The following POLK variants were observed in gnomAD, a reference collection of about 807,000 sequenced individuals.
POLK encodes DNA polymerase kappa.
A neutral mutation model predicts 94.0 loss-of-function variants in POLK; 76 were observed. The ratio of observed to expected loss-of-function variants is 0.81; its 90% CI spans 0.67 to 0.98. The LOEUF is 0.98. Among genes scored for constraint, POLK ranks in the 50% least tolerant of loss-of-function variants. POLK has a pLI of 0.00. For synonymous variants in POLK, 349 were observed against 325.4 expected (o/e 1.07, Z -0.78); for missense variants, 954 against 1,010.1 (o/e 0.94, Z 0.75).
At chr5:75,552,187 C>G (rs1686851452) in intron 2 of POLK, among the ~76,000 whole-genome samples, 1 of 152,160 alleles carries the variant, frequency 6.6e-6, no homozygotes, top group African/African-American at 2.4e-5. Flanking sequence ...CTGTTCTTTT[C>G]TGAATGCAAA....
At chr5:75,590,652 T>C in intron 11 of POLK, 1 of 531,538 alleles carries the variant, frequency 1.9e-6, no homozygotes. Context: ...AAGAAGCACC[T>C]TATGAGAATA....
chr5:75,603,069 C>T (rs1258413268), downstream of POLK, among the ~76,000 whole-genome samples: 2 of 152,042 alleles, frequency 1.3e-5, no homozygotes. Context: ...TGGTTATAGG[C>T]ATATATGTAA....
At chr5:75,534,879 T>C (rs1390342911) in intron 1 of POLK, 1 of 152,256 alleles carries the variant, frequency 6.6e-6, no homozygotes, top group Non-Finnish European at 1.5e-5. Flanking sequence ...GCATGTGATA[T>C]GGGTCTCCTG....
chr5:75,603,927 C>T (rs1322618132), downstream of POLK, among the ~76,000 whole-genome samples: 2 of 152,146 alleles, frequency 1.3e-5, no homozygotes, highest in Non-Finnish European at 2.9e-5. Flanking sequence ...TTTGCATGGC[C>T]CCCGATGTTG....
intron 9 of POLK, 63 bp from the exon 10 acceptor site, chr5:75,586,963 C>T: frequency 2.6e-6 from 3 of 1,154,728 alleles, no homozygotes; most frequent in Non-Finnish European, 2.5e-6. Context: ...ATGTTAAATC[C>T]TCTTGGTTAA....
At chr5:75,576,869 A>G (rs554724517) in exon 6 of POLK, 2 of 1,569,184 alleles carry the variant, frequency 1.3e-6, no homozygotes, top group South Asian at 2.4e-5. Flanking sequence ...ACTTAGAAGA[A>G]AGACAAAATT....
chr5:75,556,832 T>G (rs1037043116), intron 3 of POLK, among the ~76,000 whole-genome samples: 1 of 151,952 alleles, frequency 6.6e-6, no homozygotes, highest in African/African-American at 2.4e-5. Context: ...GAGACCAAGG[T>G]GGGAAGATCG....
intron 1 of POLK, among the ~76,000 whole-genome samples, chr5:75,514,919 A>G (rs1390122300): frequency 1.3e-5 from 2 of 152,140 alleles, no homozygotes; most frequent in African/African-American, 4.8e-5. Context: ...ATGATTAAAC[A>G]TTTGAGAATC....
intron 1 of POLK, among the ~76,000 whole-genome samples, chr5:75,519,754 T>G (rs1475193406): frequency 6.6e-6 from 1 of 152,096 alleles, no homozygotes; most frequent in African/African-American, 2.4e-5. Flanking sequence ...TCACTTAGAG[T>G]GTTATGTGTG....
intron 6 of POLK, among the ~76,000 whole-genome samples, chr5:75,580,824 G>T (rs1040680206): frequency 6.7e-6 from 1 of 148,610 alleles, no homozygotes; most frequent in African/African-American, 2.5e-5. Context: ...TCTAATTTTC[G>T]AAGATTCTTT....
intron 1 of POLK, among the ~76,000 whole-genome samples, chr5:75,513,804 T>C (rs980791515): frequency 5.9e-5 from 9 of 152,186 alleles, no homozygotes; most frequent in African/African-American, 2.2e-4. Flanking sequence ...TGCCCACTCT[T>C]GGCATGTACA....
downstream of POLK, among the ~76,000 whole-genome samples, chr5:75,603,027 G>C (rs1339003334): frequency 1.3e-5 from 2 of 152,192 alleles, no homozygotes; most frequent in African/African-American, 4.8e-5. Flanking sequence ...CAGAACTTAA[G>C]AAGGAACTTT....
upstream of POLK, chr5:75,511,334 G>A (rs1163485668): frequency 1.3e-5 from 20 of 1,545,906 alleles, no homozygotes; most frequent in Admixed American, 2.0e-5. Context: ...GTGTGGGGGG[G>A]AGCAGGAGGA....
At chr5:75,511,602 C>G, upstream of POLK, 1 of 1,467,278 alleles carries the variant, frequency 6.8e-7, no homozygotes, top group African/African-American at 1.4e-5. Context: ...CCGCTACCGC[C>G]GCCATCTTCC....
intron 6 of POLK, 72 bp downstream of exon 6, chr5:75,577,005 C>T: frequency 1.1e-6 from 1 of 883,710 alleles, no homozygotes; most frequent in Non-Finnish European, 1.7e-6. Context: ...TTGAATTAAT[C>T]CAATTAATTT....
chr5:75,511,710 C>G (rs1274710057), upstream of POLK: 1 of 1,544,792 alleles, frequency 6.5e-7, no homozygotes, highest in Non-Finnish European at 8.7e-7. Flanking sequence ...CCCCTCCCGG[C>G]GTCTGACGCG....
At chr5:75,520,232 T>G (rs561809885) in intron 1 of POLK, among the ~76,000 whole-genome samples, 11 of 152,310 alleles carry the variant, frequency 7.2e-5, no homozygotes, top group Admixed American at 6.5e-4. Flanking sequence ...ACTTACATAT[T>G]TTTATATTGC....
At chr5:75,550,283 G>T (rs751403993) in intron 2 of POLK, among the ~76,000 whole-genome samples, 8 of 152,098 alleles carry the variant, frequency 5.3e-5, no homozygotes, top group Non-Finnish European at 1.2e-4. Flanking sequence ...GGAAAGCAAG[G>T]TTGGTTTAAG....
At chr5:75,558,986 T>C (rs1209378863) in intron 3 of POLK, among the ~76,000 whole-genome samples, 1 of 152,194 alleles carries the variant, frequency 6.6e-6, no homozygotes, top group East Asian at 1.9e-4. Flanking sequence ...GTTCCAGTTT[T>C]GGTTGACTAT....
Sources: allele counts gnomAD v4.1 joint callset (sites outside exome capture counted in the v4.1 genomes callset), GRCh38; gene constraint gnomAD v4.1.1; transcripts MANE v1.5; gene names NCBI Gene and HGNC (gene_info 2026-07-23, HGNC 2026-07-21).